Variants in CYSTM1 observed in about 807,000 individuals in gnomAD.
CYSTM1 encodes cysteine-rich transmembrane module-containing protein 1.
Under a neutral mutation model 13.1 loss-of-function variants are expected in CYSTM1, and 4 were observed. The ratio of observed to expected loss-of-function variants is 0.31; its 90% confidence interval spans 0.15 to 0.70. The LOEUF (loss-of-function observed/expected upper bound fraction) is 0.70, where lower values mean the gene tolerates loss of function less well. Ranked by LOEUF, CYSTM1 falls within the 30% of genes least tolerant of loss-of-function variation. The pLI, the probability that CYSTM1 is intolerant of heterozygous loss-of-function variation, is 0.72. For missense variants in CYSTM1, 96 were observed against 121.6 expected (o/e 0.79, Z 0.99); for synonymous variants, 36 against 42.7 (o/e 0.84, Z 0.62).
intron 2 of CYSTM1, among the ~76,000 whole-genome samples, chr5:140,204,867 G>A (rs1383057561): frequency 6.6e-6 from 1 of 152,176 alleles, no homozygotes; most frequent in Non-Finnish European, 1.5e-5. Flanking sequence ...GTGAGTTCAT[G>A]TTCAGTGTCT....
intron 2 of CYSTM1, chr5:140,200,488 C>T (rs952257117): frequency 1.3e-5 from 2 of 150,166 alleles, no homozygotes; most frequent in Non-Finnish European, 3.0e-5. Context: ...ATATACAGAA[C>T]ACTTTCATCA....
At chr5:140,236,414 C>T (rs894032055) in intron 2 of CYSTM1, among the ~76,000 whole-genome samples, 4 of 152,202 alleles carry the variant, frequency 2.6e-5, no homozygotes, top group African/African-American at 9.7e-5. Context: ...GTACACGCTG[C>T]ACCAGCACGG....
chr5:140,232,386 A>G (rs1002323669), intron 2 of CYSTM1, among the ~76,000 whole-genome samples: 4 of 152,194 alleles, frequency 2.6e-5, no homozygotes, highest in Admixed American at 2.6e-4. Flanking sequence ...ACTTGGATGG[A>G]AATATGGAGG....
intron 2 of CYSTM1, among the ~76,000 whole-genome samples, chr5:140,231,844 T>C (rs1477333469): frequency 6.6e-6 from 1 of 152,218 alleles, no homozygotes; most frequent in African/African-American, 2.4e-5. Context: ...AGATGGAGGC[T>C]CATAGCCCAA....
intron 1 of CYSTM1, among the ~76,000 whole-genome samples, chr5:140,184,495 G>A (rs1177925352): frequency 6.6e-6 from 1 of 151,750 alleles, no homozygotes; most frequent in Non-Finnish European, 1.5e-5. Flanking sequence ...TATTTATTTG[G>A]GGTTTTACTT....
chr5:140,197,446 G>T (rs1581062043), intron 2 of CYSTM1, among the ~76,000 whole-genome samples: 1 of 152,142 alleles, frequency 6.6e-6, no homozygotes, highest in African/African-American at 2.4e-5. Context: ...TCTGTCATTA[G>T]CTTGTGAATT....
chr5:140,240,181 CT>C (rs1764731424), intron 2 of CYSTM1, among the ~76,000 whole-genome samples: 5 of 151,698 alleles, frequency 3.3e-5, no homozygotes, highest in African/African-American at 1.2e-4. Context: ...CACCCCCCCA[CT>C]GCTCTTTTAA....
intron 2 of CYSTM1, among the ~76,000 whole-genome samples, chr5:140,227,220 G>A (rs1342926809): frequency 6.6e-6 from 1 of 152,154 alleles, no homozygotes; most frequent in Non-Finnish European, 1.5e-5. Context: ...GAAGAGGCTG[G>A]GGTTGATTTG....
chr5:140,212,956 A>G (rs1764385646), intron 2 of CYSTM1, among the ~76,000 whole-genome samples: 1 of 145,330 alleles, frequency 6.9e-6, no homozygotes, highest in African/African-American at 2.5e-5. Context: ...CAACAGAGTG[A>G]GACTCTGTCT....
chr5:140,186,012 A>G (rs2126654114), intron 1 of CYSTM1, among the ~76,000 whole-genome samples: 1 of 152,354 alleles, frequency 6.6e-6, no homozygotes, highest in Middle Eastern at 3.4e-3. Flanking sequence ...AACTACCTTC[A>G]CCATATCCTT....
chr5:140,206,425 AT>A (rs1764298946), intron 2 of CYSTM1, among the ~76,000 whole-genome samples: 1 of 152,196 alleles, frequency 6.6e-6, no homozygotes, highest in African/African-American at 2.4e-5. Context: ...TATTTCTTGA[AT>A]AGTTGAATGT....
intron 2 of CYSTM1, among the ~76,000 whole-genome samples, chr5:140,226,610 AT>A (rs1383492683): frequency 2.6e-5 from 3 of 115,356 alleles, no homozygotes; most frequent in East Asian, 2.2e-4. Flanking sequence ...ATATATATAT[AT>A]AAAAATTAGC....
rs555068120 is a variant in CYSTM1 at position 140,231,018 on chromosome 5, T to C, written c.188-12287T>C. Among the ~76,000 whole-genome samples the C allele has an allele frequency of 3.3e-5, 5 of 152,346 alleles. No individual in the cohort carries two copies. In the South Asian group the frequency reaches 1.0e-3, roughly 32 times the overall value. On this transcript the variant is annotated intron_variant, in intron 2 of 2. Coordinates refer to ENST00000261811, the MANE Select transcript of CYSTM1 (RefSeq NM_032412.4). The stretch of plus-strand genomic sequence containing the variant: ...TACAGAAAACCATGTTTGGCTTTGA[T>C]TGGAACAGCATGTAATTTATCAAGT...
intron 2 of CYSTM1, among the ~76,000 whole-genome samples, chr5:140,199,412 C>T (rs375058835): frequency 2.8e-4 from 42 of 152,290 alleles, no homozygotes; most frequent in African/African-American, 8.9e-4. Context: ...AACTAATTTA[C>T]GCTCCCACCA....
chr5:140,209,826 C>G (rs919887927), intron 2 of CYSTM1, among the ~76,000 whole-genome samples: 4 of 152,318 alleles, frequency 2.6e-5, no homozygotes, highest in African/African-American at 9.6e-5. Flanking sequence ...TCCCAAAGTA[C>G]TGGGATTACA....
intron 2 of CYSTM1, among the ~76,000 whole-genome samples, chr5:140,216,224 G>A (rs1045157897): frequency 1.3e-5 from 2 of 152,202 alleles, no homozygotes; most frequent in Admixed American, 1.3e-4. Flanking sequence ...AAGTCTTAAG[G>A]AGTGATTATC....
chr5:140,204,773 G>A (rs1362647610), intron 2 of CYSTM1, among the ~76,000 whole-genome samples: 1 of 142,944 alleles, frequency 7.0e-6, no homozygotes, highest in African/African-American at 2.6e-5. Context: ...AGTGCTGAGC[G>A]CGTGTGTGTG....
chr5:140,180,046 G>A (rs553777700), intron 1 of CYSTM1, among the ~76,000 whole-genome samples: 3 of 152,276 alleles, frequency 2.0e-5, no homozygotes, highest in Non-Finnish European at 4.4e-5. Context: ...ACAGAAGGCT[G>A]TGGAACTGGC....
intron 2 of CYSTM1, among the ~76,000 whole-genome samples, chr5:140,209,817 C>T (rs958454145): frequency 6.6e-6 from 1 of 152,154 alleles, no homozygotes; most frequent in Non-Finnish European, 1.5e-5. Context: ...ACCTCAGCCT[C>T]CCAAAGTACT....
Sources: gnomAD v4.1 joint callset for allele counts (sites outside exome capture counted in the v4.1 genomes callset) on GRCh38, gnomAD v4.1.1 for gene constraint, MANE v1.5 for transcripts, NCBI Gene and HGNC (gene_info 2026-07-23, HGNC 2026-07-21) for gene names.